The following UGT2A1 variants were observed in gnomAD, a reference collection of about 807,000 sequenced individuals.
UGT2A1 encodes UDP-glucuronosyltransferase 2A1.
In UGT2A1, 61 loss-of-function variants were observed where a neutral mutation model predicts 45.4. The observed-to-expected ratio is 1.34, with a 90% CI of 1.09 to 1.66. The LOEUF (loss-of-function observed/expected upper bound fraction) is 1.66, where lower values mean the gene tolerates loss of function less well. UGT2A1 is among the 40% of genes most tolerant of loss of function. UGT2A1 has a pLI of 0.00. For missense variants in UGT2A1, 649 were observed against 574.3 expected, an observed-to-expected ratio of 1.13 and a Z score of -1.33; for synonymous variants, 229 against 196.2, an observed-to-expected ratio of 1.17 and a Z score of -1.40.
intron 6 of UGT2A1, 75 bp from the exon 7 acceptor site, chr4:69,589,726 C>G: frequency 2.0e-6 from 3 of 1,528,246 alleles, no homozygotes; most frequent in Non-Finnish European, 2.6e-6. Flanking sequence ...ATGTGATACA[C>G]TTTTGCTCTA....
intron 1 of UGT2A1, 76 bp from the exon 2 acceptor site, chr4:69,647,774 T>A: frequency 3.1e-6 from 2 of 640,132 alleles, no homozygotes; most frequent in Non-Finnish European, 5.0e-6. Flanking sequence ...AAAAGCCTTC[T>A]TTCTAGAAAG....
At chr4:69,629,294 G>T (rs1423692278) in intron 3 of UGT2A1, among the ~76,000 whole-genome samples, 1 of 151,974 alleles carries the variant, frequency 6.6e-6, no homozygotes, top group South Asian at 2.1e-4. Context: ...ACTGCAAAGT[G>T]TTTACTTTGC....
chr4:69,616,238 G>A (rs1226769567), intron 3 of UGT2A1, among the ~76,000 whole-genome samples: 1 of 151,830 alleles, frequency 6.6e-6, no homozygotes, highest in Non-Finnish European at 1.5e-5. Context: ...GAAAGGTCTT[G>A]GGGGGTGGGG....
Position 69,589,030 on chromosome 4 carries a change from T to C in UGT2A1, c.*342A>G, listed in dbSNP as rs541633653. The C allele has an allele frequency of 1.1e-5, 2 of 187,688 alleles. No homozygotes were observed. Among genetic ancestry groups the C allele is most frequent in the South Asian group, 1.1e-4 (1 of 9,290 alleles). The allele number at this position is 187,688 out of a possible 1,614,324, so 11.6% of individuals were successfully genotyped here. A position where few individuals can be genotyped will look rare whatever the true frequency, so the allele number is the denominator to read the frequency against. ...GTATGCATTACCAGGATTCAGCATATTGTTAATCATTAATTAAGGTTAACG... is the reference window on the plus strand; with the variant it reads ...GTATGCATTACCAGGATTCAGCATACTGTTAATCATTAATTAAGGTTAACG... On this transcript the variant is annotated 3_prime_UTR_variant, in exon 7 of 7. Transcript: ENST00000286604.
intron 6 of UGT2A1, among the ~76,000 whole-genome samples, chr4:69,590,597 G>T (rs7672793): frequency 6.6e-6 from 1 of 151,792 alleles, no homozygotes; most frequent in Non-Finnish European, 1.5e-5. Context: ...AGAGAACATG[G>T]TACAACTAGA....
In UGT2A1 at chr4:69,599,448, G is replaced by T. The variant is rs190744355; in HGVS notation, c.848-54C>A. 2.5e-6 allele frequency: 4 copies of T among 1,580,824 alleles called. No individual in the cohort carries two copies. The African/African-American group carries it at 5.5e-5, about 22-fold the overall frequency. ...GGAAATTAGCTTATATGTTTGCTGA[G>T]GAGAAAAAAAAGCTACCAGTAATTT... On this transcript the variant is annotated intron_variant, in intron 3 of 6. Coordinates refer to ENST00000286604, the MANE Select transcript of UGT2A1 (RefSeq NM_001252275.3).
chr4:69,621,766 G>A (rs1474848659), intron 3 of UGT2A1, among the ~76,000 whole-genome samples: 1 of 151,846 alleles, frequency 6.6e-6, no homozygotes, highest in Non-Finnish European at 1.5e-5. Context: ...GCCTATCAAC[G>A]ACAGATTGGA....
intron 3 of UGT2A1, among the ~76,000 whole-genome samples, chr4:69,630,117 A>C (rs1241827692): frequency 6.6e-6 from 1 of 152,112 alleles, no homozygotes; most frequent in Non-Finnish European, 1.5e-5. Context: ...ATATTAAAAT[A>C]TATAACTAAA....
chr4:69,643,535 A>C (rs1578006490), intron 2 of UGT2A1, among the ~76,000 whole-genome samples: 1 of 151,650 alleles, frequency 6.6e-6, no homozygotes, highest in Non-Finnish European at 1.5e-5. Context: ...ATATATGTAA[A>C]TCACTTATCA....
chr4:69,597,086 C>A (rs1247798754), intron 4 of UGT2A1, among the ~76,000 whole-genome samples: 1 of 152,104 alleles, frequency 6.6e-6, no homozygotes, highest in Non-Finnish European at 1.5e-5. Context: ...TGTTAGCATT[C>A]CAGTTATATC....
At chr4:69,627,272 A>T (rs1051875208) in intron 3 of UGT2A1, among the ~76,000 whole-genome samples, 1 of 151,710 alleles carries the variant, frequency 6.6e-6, no homozygotes, top group Non-Finnish European at 1.5e-5. Context: ...AGAGATTTAT[A>T]AAAAAAATCA....
chr4:69,602,630 G>T lies in UGT2A1; in HGVS notation c.848-3236C>A, dbSNP rs575642769. Among the ~76,000 whole-genome samples the T allele has an allele frequency of 5.3e-4, 73 of 137,376 alleles. 10 individuals are homozygous for T. Among genetic ancestry groups the T allele is most frequent in the Non-Finnish European group, 7.9e-4 (51 of 64,416 alleles). 90.1% of individuals were successfully genotyped at this position (137,376 alleles called of 152,430 possible). On this transcript the variant is annotated intron_variant, in intron 3 of 6. Coordinates refer to ENST00000286604, the MANE Select transcript of UGT2A1 (RefSeq NM_001252275.3). ...TAGCAACTGAAATTTCTGTGCACAA[G>T]TAAACGAAGATTTAATTTAAAAACT...
At chr4:69,598,226 A>T (rs1289102913) in intron 4 of UGT2A1, among the ~76,000 whole-genome samples, 1 of 152,176 alleles carries the variant, frequency 6.6e-6, no homozygotes, top group Non-Finnish European at 1.5e-5. Context: ...TTTAAACTTA[A>T]ATATGTCTGT....
At chr4:69,609,151 T>A (rs1446524238) in intron 3 of UGT2A1, among the ~76,000 whole-genome samples, 1 of 91,978 alleles carries the variant, frequency 1.1e-5, no homozygotes, top group African/African-American at 4.4e-5. Context: ...CTAGAATATA[T>A]AAGATTTTTT....
At chr4:69,651,957 G>A (rs1047601220) in intron 1 of UGT2A1, among the ~76,000 whole-genome samples, 3 of 152,188 alleles carry the variant, frequency 2.0e-5, no homozygotes, top group Non-Finnish European at 2.9e-5. Context: ...CTAGGATCGA[G>A]GTTAAACGGG....
At chr4:69,596,268 A>T in intron 4 of UGT2A1, 1 of 1,592,942 alleles carries the variant, frequency 6.3e-7, no homozygotes. Context: ...GAATCTGGGC[A>T]AGGGCTGAGG....
intron 3 of UGT2A1, among the ~76,000 whole-genome samples, chr4:69,607,789 C>T (rs1431746493): frequency 2.6e-5 from 4 of 152,180 alleles, no homozygotes; most frequent in Non-Finnish European, 4.4e-5. Flanking sequence ...CAAAAGAAGA[C>T]ATTTATGCAG....
intron 3 of UGT2A1, among the ~76,000 whole-genome samples, chr4:69,601,170 T>C (rs1233957590): frequency 6.6e-6 from 1 of 152,172 alleles, no homozygotes; most frequent in Non-Finnish European, 1.5e-5. Flanking sequence ...ATGTGGATTC[T>C]TCTGTGCAGC....
At chr4:69,604,805 A>T (rs2109901884) in intron 3 of UGT2A1, among the ~76,000 whole-genome samples, 1 of 136,972 alleles carries the variant, frequency 7.3e-6, no homozygotes, top group East Asian at 2.1e-4. Context: ...AAAGCACCAA[A>T]GATCAAAAGA....
Sources: allele counts gnomAD v4.1 joint callset (sites outside exome capture counted in the v4.1 genomes callset), GRCh38; gene constraint gnomAD v4.1.1; transcripts MANE v1.5; gene names NCBI Gene and HGNC (gene_info 2026-07-23, HGNC 2026-07-21).